The following RALGAPA2 variants were observed in gnomAD, a reference collection of about 807,000 sequenced individuals.
RALGAPA2 encodes the protein ral GTPase-activating protein subunit alpha-2.
In RALGAPA2, 139 loss-of-function variants were observed where a neutral mutation model predicts 230.4. That is an observed-to-expected ratio of 0.60 (90% confidence interval 0.53 to 0.69). RALGAPA2 has a LOEUF of 0.69. Ranked by LOEUF, RALGAPA2 falls within the 30% of genes least tolerant of loss-of-function variation. RALGAPA2 has a pLI of 0.00. For synonymous variants in RALGAPA2, 847 were observed against 837.8 expected, an observed-to-expected ratio of 1.01 and a Z score of -0.19; for missense variants, 2,163 against 2,276.0, an observed-to-expected ratio of 0.95 and a Z score of 1.01.
intron 38 of RALGAPA2, among the ~76,000 whole-genome samples, chr20:20,401,691 G>A (rs187190332): frequency 6.6e-6 from 1 of 152,314 alleles, no homozygotes; most frequent in Admixed American, 6.5e-5. Context: ...AGGACAGTGA[G>A]TTCTAGGTAT....
At position 20,513,014 on chromosome 20, in the gene RALGAPA2, G is replaced by C. The variant is rs2062758767; in HGVS notation, c.4355C>G (p.Pro1452Arg). 1.2e-6 allele frequency: 2 copies of C among 1,613,608 alleles called. No homozygotes were observed. Among genetic ancestry groups the C allele is most frequent in the Admixed American group, 3.3e-5 (2 of 59,996 alleles). The change falls in exon 32 of 40, where the codon CCA becomes CGA. Residue 1452 changes from proline (P) to arginine (R), a missense_variant. Physicochemically the swap from Pro to Arg is moderately radical, Grantham distance 103 (BLOSUM62 -2). Coordinates refer to ENST00000202677, the MANE Select transcript of RALGAPA2 (RefSeq NM_020343.4). Reference sequence around the variant, plus strand: ...TCTCACATCAGAGAGAGAGCCCACTGGTGATCCCCCTACCGGTCCTTCTGT... The same window carrying C: ...TCTCACATCAGAGAGAGAGCCCACTCGTGATCCCCCTACCGGTCCTTCTGT... ...TPTEGPVGGS[P>R]VGSLSDVRVI... is the part of the protein sequence containing the mutation.
At chr20:20,672,031 A>C (rs982910015) in intron 3 of RALGAPA2, among the ~76,000 whole-genome samples, 1 of 152,232 alleles carries the variant, frequency 6.6e-6, no homozygotes, top group Non-Finnish European at 1.5e-5. Context: ...AATGCCAAGG[A>C]GCTGATGCCA....
chr20:20,643,605 C>G (rs952359365), intron 4 of RALGAPA2, 56 bp from the exon 5 acceptor site: 2 of 1,326,278 alleles, frequency 1.5e-6, no homozygotes, highest in Non-Finnish European at 2.0e-6. Context: ...TATCAAAGAT[C>G]TATTTTAAGA....
intron 33 of RALGAPA2, among the ~76,000 whole-genome samples, chr20:20,509,061 A>T (rs1007854888): frequency 6.6e-6 from 1 of 152,388 alleles, no homozygotes; most frequent in Non-Finnish European, 1.5e-5. Context: ...GGAATAATTC[A>T]GCATACGCTT....
chr20:20,705,329 C>A (rs1023730190), intron 1 of RALGAPA2, among the ~76,000 whole-genome samples: 1 of 152,102 alleles, frequency 6.6e-6, no homozygotes, highest in African/African-American at 2.4e-5. Flanking sequence ...GCCTCAGCCT[C>A]CCGAGGAGCT....
At chr20:20,468,963 T>TTTGTG (rs2061480989) in intron 37 of RALGAPA2, among the ~76,000 whole-genome samples, 15 of 143,380 alleles carry the variant, frequency 1.0e-4, no homozygotes, top group African/African-American at 3.5e-4. Context: ...GTGTGTGTGT[T>TTTGTG]TGTGTGTGTG....
In RALGAPA2 at chr20:20,512,223, C is replaced by CCACACA. The variant is rs2062727247; in HGVS notation, c.4856+289_4856+290insTGTGTG. Among the ~76,000 whole-genome samples the CCACACA allele has an allele frequency of 2.9e-5, 4 of 135,646 alleles. No individual in the cohort carries two copies. In the South Asian group the frequency reaches 9.3e-4, roughly 31 times the overall value. The allele number at this position is 135,646 out of a possible 152,430, so 89.0% of individuals were successfully genotyped here. On this transcript the variant is annotated intron_variant, in intron 32 of 39. Transcript: ENST00000202677. The stretch of plus-strand genomic sequence containing the variant: ...AAACAAACAACAACAACAACCCCCC[C>CCACACA]TACACACACACACACATACACACAC...
chr20:20,620,476 G>A lies in RALGAPA2; in HGVS notation c.1388C>T (p.Thr463Ile), dbSNP rs761461978. ...GAAAAAAATTACCTCCTTGCTATCAGTCTCGGAAAATCCTAATTTTTCAGC... is the reference window on the plus strand; with the variant it reads ...GAAAAAAATTACCTCCTTGCTATCAATCTCGGAAAATCCTAATTTTTCAGC... ...EDAEKLGFSE[T>I]DSKEASSESS... The change falls in exon 11 of 40, where the codon ACT becomes ATT. Residue 463 changes from threonine to isoleucine, a missense_variant. Physicochemically the swap from Thr to Ile is moderately conservative, Grantham distance 89. Transcript: ENST00000202677. 5.0e-6 allele frequency: 8 copies of A among 1,613,644 alleles called. No homozygotes were observed. In the South Asian group the frequency reaches 8.8e-5, roughly 18 times the overall value.
At chr20:20,395,882 G>A (rs890131280) in intron 39 of RALGAPA2, among the ~76,000 whole-genome samples, 21 of 152,226 alleles carry the variant, frequency 1.4e-4, no homozygotes, top group African/African-American at 5.1e-4. Context: ...CACTGTGGGC[G>A]ACAGGCTCAG....
intron 1 of RALGAPA2, among the ~76,000 whole-genome samples, chr20:20,689,478 C>A (rs1194800486): frequency 6.6e-6 from 1 of 152,114 alleles, no homozygotes; most frequent in Non-Finnish European, 1.5e-5. Flanking sequence ...CCCGTCTCTA[C>A]TAAAAATACA....
In RALGAPA2 at chr20:20,584,898, G is replaced by T; in HGVS notation, c.2497C>A (p.Gln833Lys). Residue 833 changes from glutamine to lysine, a missense_variant, in exon 19 of 40, where the codon CAG becomes AAG. By Grantham distance (53) the Gln-to-Lys change is moderately conservative (BLOSUM62 1). Transcript: ENST00000202677. ...AELDLKDDLQ[Q>K]TQGKCRERQK... ...CTTTCCCTACATTTTCCTTGTGTCTGCTGCAAATCATCTTTCAAATCCAAT... is the reference window on the plus strand; with the variant it reads ...CTTTCCCTACATTTTCCTTGTGTCTTCTGCAAATCATCTTTCAAATCCAAT... 1 of 1,611,746 alleles carries T rather than the reference G, an allele frequency of 6.2e-7. No homozygotes were observed. Among genetic ancestry groups the T allele is most frequent in the Middle Eastern group, 1.7e-4 (1 of 6,050 alleles).
rs772825666 is a variant in RALGAPA2 at position 20,591,237 on chromosome 20, CCTG to C, written c.2278_2280del (p.Gln760del). ...TCGGAGGTGCTGCTGCTCCGAAGGA[CCTG>C]CTGCTGCTGTCCCACTGTGAGATGG... is the stretch of plus-strand genomic sequence containing the variant. On this transcript the variant is annotated inframe_deletion, in exon 17 of 40. Transcript: ENST00000202677. 6.8e-6 allele frequency: 11 copies of C among 1,613,772 alleles called. No individual in the cohort carries two copies. The highest frequency in any genetic ancestry group is 9.3e-6 in the Non-Finnish European group (11 of 1,179,834).
chr20:20,517,031 G>A (rs2062892903), intron 31 of RALGAPA2, among the ~76,000 whole-genome samples: 1 of 152,162 alleles, frequency 6.6e-6, no homozygotes, highest in Non-Finnish European at 1.5e-5. Context: ...TGGAGAAGGG[G>A]TCCTTGTTCT....
At chr20:20,610,613 C>T (rs903831952) in intron 14 of RALGAPA2, among the ~76,000 whole-genome samples, 4 of 152,172 alleles carry the variant, frequency 2.6e-5, no homozygotes, top group Non-Finnish European at 5.9e-5. Flanking sequence ...TTAAACCTCG[C>T]CCACCATGTA....
intron 20 of RALGAPA2, among the ~76,000 whole-genome samples, chr20:20,577,310 A>C (rs2145970055): frequency 1.3e-5 from 2 of 152,268 alleles, no homozygotes; most frequent in East Asian, 3.9e-4. Flanking sequence ...TCACTATAAT[A>C]AGCTATGCTT....
In RALGAPA2 at chr20:20,573,060, C is replaced by T. The variant is rs1238868970; in HGVS notation, c.2716G>A (p.Glu906Lys). The stretch of plus-strand genomic sequence containing the variant: ...ATACTACAGTCATCTGTGAGGCACT[C>T]GCTGCTATCTATGCAGAAAAACATG... ...TDASNLTDSS[E>K]CLTDDCSIIA... Residue 906 changes from glutamate (E) to lysine (K), a missense_variant, in exon 21 of 40, where the codon GAG (glutamate) becomes AAG (lysine). Glu to Lys is a moderately conservative substitution (Grantham distance 56). Transcript: ENST00000202677. The T allele has an allele frequency of 4.4e-6, 7 of 1,603,318 alleles. No homozygotes were observed. Among genetic ancestry groups the T allele is most frequent in the African/African-American group, 2.7e-5 (2 of 74,704 alleles).
chr20:20,599,987 A>G (rs28571783), intron 16 of RALGAPA2, among the ~76,000 whole-genome samples: 1 of 151,702 alleles, frequency 6.6e-6, no homozygotes, highest in Non-Finnish European at 1.5e-5. Flanking sequence ...AAAATAAAAA[A>G]TAAAAAAAAA....
rs2145487598 is a variant in RALGAPA2 at position 20,524,876 on chromosome 20, A to G, written c.3716T>C (p.Phe1239Ser). ...MAEILVATVA[F>S]LLPSAEYSSV... Reference sequence around the variant, plus strand: ...GGAGTACTCTGCACTTGGTAAAAGAAAAGCAACTGTGGCCACGAGGATCTG... The same window carrying G: ...GGAGTACTCTGCACTTGGTAAAAGAGAAGCAACTGTGGCCACGAGGATCTG... Residue 1239 changes from phenylalanine to serine, a missense_variant, in exon 29 of 40, where the codon TTT becomes TCT. Phe to Ser is a radical substitution (Grantham distance 155). Coordinates refer to ENST00000202677, the MANE Select transcript of RALGAPA2 (RefSeq NM_020343.4). 1 of 1,610,418 alleles carries G rather than the reference A, an allele frequency of 6.2e-7. No individual in the cohort carries two copies. Among genetic ancestry groups the G allele is most frequent in the Non-Finnish European group, 8.5e-7 (1 of 1,178,294 alleles).
intron 10 of RALGAPA2, among the ~76,000 whole-genome samples, chr20:20,623,120 C>A (rs144077341): frequency 1.3e-5 from 2 of 152,024 alleles, no homozygotes; most frequent in African/African-American, 4.8e-5. Flanking sequence ...AGACTAAAAC[C>A]TAACAGCAGT....
Sources: gnomAD v4.1 joint callset for allele counts (sites outside exome capture counted in the v4.1 genomes callset) on GRCh38, gnomAD v4.1.1 for gene constraint, MANE v1.5 for transcripts, NCBI Gene and HGNC (gene_info 2026-07-23, HGNC 2026-07-21) for gene names.